Variants in ABLIM1 observed in about 807,000 individuals in gnomAD.
The protein encoded by ABLIM1 is actin-binding LIM protein 1.
A neutral mutation model predicts 107.0 loss-of-function variants in ABLIM1; 40 were observed. The ratio of observed to expected loss-of-function variants is 0.37; its 90% CI spans 0.29 to 0.49. The LOEUF (loss-of-function observed/expected upper bound fraction) is 0.49, where lower values mean the gene tolerates loss of function less well. ABLIM1 is among the 20% of genes least tolerant of loss of function. The pLI is 0.97. For synonymous variants in ABLIM1, 357 were observed against 357.3 expected, an observed-to-expected ratio of 1.00 and a Z score of 0.01; for missense variants, 857 against 1,008.5, an observed-to-expected ratio of 0.85 and a Z score of 2.04.
At chr10:114,783,934 C>T in the ABLIM1 span, among the ~76,000 whole-genome samples, 1 of 151,986 alleles carries the variant, frequency 6.6e-6, no homozygotes, top group East Asian at 1.9e-4. Context: ...CTGAACTTGG[C>T]AACACGGAAG....
the ABLIM1 span, among the ~76,000 whole-genome samples, chr10:114,788,337 A>AT: frequency 0.045 from 5,884 of 131,356 alleles, 361 homozygotes; most frequent in African/African-American, 0.17. Flanking sequence ...AAAAAAATAA[A>AT]AAAAAAAAAA....
At chr10:114,711,745 A>AG (rs1349108419) in intron 1 of ABLIM1, among the ~76,000 whole-genome samples, 2 of 152,040 alleles carry the variant, frequency 1.3e-5, no homozygotes, top group East Asian at 3.9e-4. Context: ...GTGGAGAGGG[A>AG]GGGGGGCTTG....
chr10:114,627,932 G>T (rs1325866263), intron 1 of ABLIM1, among the ~76,000 whole-genome samples: 1 of 152,128 alleles, frequency 6.6e-6, no homozygotes, highest in Non-Finnish European at 1.5e-5. Context: ...AGACCAGCCT[G>T]GCCAACATGG....
At chr10:114,715,637 C>A (rs753747119) in intron 1 of ABLIM1, among the ~76,000 whole-genome samples, 1 of 152,096 alleles carries the variant, frequency 6.6e-6, no homozygotes, top group Admixed American at 6.5e-5. Context: ...GCAGAGGGAA[C>A]CAGCAAGCAG....
At chr10:114,631,815 G>A (rs2078197105) in intron 1 of ABLIM1, 15 of 1,263,488 alleles carry the variant, frequency 1.2e-5, no homozygotes, top group Non-Finnish European at 1.3e-5. Context: ...CCCGGCTTTC[G>A]ATTGATCATT....
chr10:114,702,549 T>C (rs1221636515), intron 1 of ABLIM1, among the ~76,000 whole-genome samples: 2 of 144,374 alleles, frequency 1.4e-5, no homozygotes, highest in East Asian at 2.0e-4. Flanking sequence ...TTTTTTGAGA[T>C]GGAGTCTCGC....
At chr10:114,639,649 G>A (rs58206173) in intron 1 of ABLIM1, among the ~76,000 whole-genome samples, 8,592 of 152,292 alleles carry the variant, frequency 0.056, 744 homozygotes, top group African/African-American at 0.19. Flanking sequence ...AACCTGCAGC[G>A]TTGCATAGGT....
rs1203127518 is a variant in ABLIM1, at chr10:114,439,548, G to A, written c.2068-298C>T. On this transcript the variant is annotated intron_variant, in intron 20 of 22. Transcript: ENST00000533213. ...TTAAAAGATGCCCAAGTCTATTATT[G>A]TTAGTTTCTTATCTTTAATCATGAT... 22 of 474,074 alleles carry A rather than the reference G, an allele frequency of 4.6e-5. No homozygotes were observed. The Admixed American group carries it at 7.9e-4, about 17-fold the overall frequency. The allele number at this position is 474,074 out of a possible 1,614,324, so 29.4% of individuals were successfully genotyped here.
intron 1 of ABLIM1, among the ~76,000 whole-genome samples, chr10:114,663,369 TG>T (rs2079875297): frequency 6.6e-6 from 1 of 152,236 alleles, no homozygotes; most frequent in Non-Finnish European, 1.5e-5. Flanking sequence ...GCTAAGCTGC[TG>T]GAGTGCAGGA....
In ABLIM1 at chr10:114,441,724, G is replaced by A. The variant is rs757347952; in HGVS notation, c.1996C>T (p.Arg666Trp). Residue 666 changes from arginine to tryptophan, a missense_variant and splice_region_variant, in exon 18 of 23, where the codon CGG (arginine) becomes TGG (tryptophan). Arg to Trp is a moderately radical substitution (Grantham distance 101, BLOSUM62 -3). Transcript: ENST00000533213. ...AATGAATCGGGGAGAAATCTTACCC[G>A]GTGAAGCCCATTTCTTCCATAGCCA... Reference protein sequence around the residue: ...LPGYGRNGLHRPVSTDFAQYN... With the variant: ...LPGYGRNGLHWPVSTDFAQYN... 80 of 1,612,984 alleles carry A rather than the reference G, an allele frequency of 5.0e-5. No individual in the cohort carries two copies. The highest frequency in any genetic ancestry group is 8.8e-5 in the South Asian group (8 of 91,068).
chr10:114,685,207 A>C (rs1591823863), upstream of ABLIM1, among the ~76,000 whole-genome samples: 1 of 152,342 alleles, frequency 6.6e-6, no homozygotes, highest in African/African-American at 2.4e-5. Flanking sequence ...ATATTGGAAA[A>C]GTTATGAAGA....
At chr10:114,561,232 A>G (rs1272853428) in intron 4 of ABLIM1, among the ~76,000 whole-genome samples, 1 of 152,170 alleles carries the variant, frequency 6.6e-6, no homozygotes, top group East Asian at 1.9e-4. Flanking sequence ...TCAGCTTCTC[A>G]GATTCATACT....
At chr10:114,781,038 C>A in the ABLIM1 span, among the ~76,000 whole-genome samples, 1 of 152,134 alleles carries the variant, frequency 6.6e-6, no homozygotes, top group Non-Finnish European at 1.5e-5. Flanking sequence ...TTGTTAGGGG[C>A]AACAGAATCA....
intron 12 of ABLIM1, chr10:114,463,254 C>T (rs1382708701): frequency 8.7e-7 from 1 of 1,152,928 alleles, no homozygotes; most frequent in African/African-American, 1.6e-5. Flanking sequence ...GCCATCGTTC[C>T]AAGGGAAAAC....
chr10:114,704,290 CTCTCTCTCTCTCTATATATATATA>C (rs1566255958), intron 1 of ABLIM1, among the ~76,000 whole-genome samples: 1 of 26,852 alleles, frequency 3.7e-5, no homozygotes, highest in African/African-American at 1.4e-4. Flanking sequence ...CTCTCTCTCT[CTCTCTCTCTCTCTATATATATATA>C]TATATATATA....
intron 11 of ABLIM1, among the ~76,000 whole-genome samples, chr10:114,467,242 G>T (rs765854219): frequency 1.3e-5 from 2 of 152,064 alleles, no homozygotes; most frequent in Non-Finnish European, 2.9e-5. Flanking sequence ...ATCTAGAAAA[G>T]GATATATTAG....
chr10:114,478,902 T>C (rs2056899057), intron 8 of ABLIM1, among the ~76,000 whole-genome samples: 1 of 152,204 alleles, frequency 6.6e-6, no homozygotes, highest in South Asian at 2.1e-4. Context: ...CTTATTTTCT[T>C]ACAATGGCCC....
At chr10:114,786,606 T>C in the ABLIM1 span, among the ~76,000 whole-genome samples, 1 of 152,218 alleles carries the variant, frequency 6.6e-6, no homozygotes, top group Non-Finnish European at 1.5e-5. Context: ...TTGATAAGAC[T>C]GCCACCTACA....
In ABLIM1 at chr10:114,434,280, AACACACACACACACAC is replaced by A. The variant is rs58418721; in HGVS notation, c.*1964_*1979del. 9.6e-4 allele frequency: 133 copies of A among 138,902 alleles called. No individual in the cohort carries two copies. Among genetic ancestry groups the A allele is most frequent in the African/African-American group, 2.3e-3 (83 of 36,668 alleles). 8.6% of individuals were successfully genotyped at this position (138,902 alleles called of 1,614,324 possible). Reference sequence around the variant, plus strand: ...ATTTGCTAAACATGTTAGTAGATCCAACACACACACACACACACACACACACACACACACACACACA... The same window carrying A: ...ATTTGCTAAACATGTTAGTAGATCCAACACACACACACACACACACACACA... On this transcript the variant is annotated 3_prime_UTR_variant, in exon 23 of 23. Coordinates refer to ENST00000533213, the MANE Select transcript of ABLIM1 (RefSeq NM_002313.7).
Sources: gnomAD v4.1 joint callset for allele counts (sites outside exome capture counted in the v4.1 genomes callset) on GRCh38, gnomAD v4.1.1 for gene constraint, MANE v1.5 for transcripts, NCBI Gene and HGNC (gene_info 2026-07-23, HGNC 2026-07-21) for gene names.